Variants in GLUL observed in about 807,000 individuals in gnomAD.
GLUL encodes glutamine synthetase.
Under a neutral mutation model 36.9 loss-of-function variants are expected in GLUL, and 8 were observed. The ratio of observed to expected loss-of-function variants is 0.22; its 90% confidence interval spans 0.13 to 0.39. GLUL has a LOEUF of 0.39. GLUL is among the 10% of genes least tolerant of loss of function. GLUL has a pLI of 1.00. For missense variants in GLUL, 315 were observed against 501.8 expected (o/e 0.63, Z 3.56); for synonymous variants, 182 against 172.8 (o/e 1.05, Z -0.42).
In GLUL at chr1:182,387,114, G is replaced by A. The variant is rs771775154; in HGVS notation, c.328+17C>T. 2 of 1,597,274 alleles carry A rather than the reference G, an allele frequency of 1.3e-6. No homozygotes were observed. Among genetic ancestry groups the A allele is most frequent in the Non-Finnish European group, 1.7e-6 (2 of 1,165,142 alleles). ...CACAGATTGAGGAGGGGTATCCATAGCTGTGCTATAACACACCTGCAGGCC... is the reference window on the plus strand; with the variant it reads ...CACAGATTGAGGAGGGGTATCCATAACTGTGCTATAACACACCTGCAGGCC... On this transcript the variant is annotated intron_variant, in intron 3 of 6. Transcript: ENST00000331872.
chr1:182,386,453 C>G, intron 3 of GLUL, 51 bp from the exon 4 acceptor site: 1 of 1,310,992 alleles, frequency 7.6e-7, no homozygotes. Context: ...GACATAGATG[C>G]TGAATACCGA....
rs1278768321 is a variant in GLUL at position 182,385,337 on chromosome 1, C to A, written c.803+20G>T. 3 of 1,578,526 alleles carry A rather than the reference C, an allele frequency of 1.9e-6. No individual in the cohort carries two copies. Among genetic ancestry groups the A allele is most frequent in the Middle Eastern group, 1.7e-4 (1 of 5,988 alleles). On this transcript the variant is annotated intron_variant, in intron 6 of 6. Transcript: ENST00000331872. ...TTCTGCCACAGGAGATTAAAGATGG[C>A]CCCAGCAGAAGGTACTCACTTCAGA... is the stretch of plus-strand genomic sequence containing the variant.
At chr1:182,390,666 T>C (rs1650373540) in intron 1 of GLUL, 2 of 398,628 alleles carry the variant, frequency 5.0e-6, no homozygotes, top group Non-Finnish European at 8.8e-6. Flanking sequence ...GCCCGGGGGG[T>C]GTCCGAACAG....
chr1:182,388,076 G>A (rs758704588), intron 2 of GLUL, among the ~76,000 whole-genome samples: 6 of 152,124 alleles, frequency 3.9e-5, no homozygotes, highest in African/African-American at 1.2e-4. Flanking sequence ...AGAGGGATAC[G>A]CAATTAGTTT....
chr1:182,390,214 G>A (rs1039885863), intron 1 of GLUL: 9 of 246,526 alleles, frequency 3.7e-5, no homozygotes, highest in Non-Finnish European at 6.7e-5. Context: ...AACAGATAGA[G>A]ACTCTGTCGG....
chr1:182,383,077 TAA>T lies in GLUL; in HGVS notation c.*1326_*1327del, dbSNP rs933829374. 1.1e-4 allele frequency: 17 copies of T among 151,564 alleles called. No individual in the cohort carries two copies. Among genetic ancestry groups the T allele is most frequent in the Non-Finnish European group, 2.2e-4 (15 of 67,858 alleles). 9.4% of individuals were successfully genotyped at this position (151,564 alleles called of 1,614,324 possible). On this transcript the variant is annotated 3_prime_UTR_variant, in exon 7 of 7. Coordinates refer to ENST00000331872, the MANE Select transcript of GLUL (RefSeq NM_001033044.4). ...GAAAATGGTAGATGAAATGAAGGAATAAAGGTGGGGTTTATTCCTTATTATAA... is the reference window on the plus strand; with the variant it reads ...GAAAATGGTAGATGAAATGAAGGAATAGGTGGGGTTTATTCCTTATTATAA...
At chr1:182,388,806 C>A in intron 1 of GLUL, 56 bp from the exon 2 acceptor site, 1 of 1,369,098 alleles carries the variant, frequency 7.3e-7, no homozygotes, top group Non-Finnish European at 1.0e-6. Flanking sequence ...TGATCCCCTG[C>A]AAAAATGGCT....
intron 2 of GLUL, among the ~76,000 whole-genome samples, chr1:182,388,185 AAC>A (rs1323640877): frequency 6.6e-6 from 1 of 152,192 alleles, no homozygotes; most frequent in African/African-American, 2.4e-5. Context: ...ATGAGTATTA[AAC>A]ACAGTTTTCT....
chr1:182,389,349 AC>A (rs1650313591), intron 1 of GLUL: 1 of 154,896 alleles, frequency 6.5e-6, no homozygotes, highest in African/African-American at 2.4e-5. Context: ...GCCCCTCCCC[AC>A]CAAAAGAAAA....
chr1:182,385,837 C>T lies in GLUL; in HGVS notation c.526G>A (p.Val176Met), dbSNP rs377520978. Residue 176 changes from valine (V) to methionine (M), a missense_variant, in exon 5 of 7, where the codon GTG becomes ATG. Coordinates refer to ENST00000331872, the MANE Select transcript of GLUL (RefSeq NM_001033044.4). ...AAGCAGGCCCGGTAATGGGCCTCCACGATGTCCCTGCCATAGGCTCTGTCT... is the reference window on the plus strand; with the variant it reads ...AAGCAGGCCCGGTAATGGGCCTCCATGATGTCCCTGCCATAGGCTCTGTCT... ...GADRAYGRDIVEAHYRACLYA... is the reference protein window; with the variant it reads ...GADRAYGRDIMEAHYRACLYA... 5.0e-6 allele frequency: 8 copies of T among 1,613,448 alleles called. No individual in the cohort carries two copies. The highest frequency in any genetic ancestry group is 3.3e-4 in the Middle Eastern group (2 of 6,062).
rs1649948079 is a variant in GLUL at position 182,382,018 on chromosome 1, T to C, written c.*2387A>G. ...AAGAAAAACCACGGATATCTAGGAT[T>C]ACTTGACTAGTGTAAAATACACAGT... On this transcript the variant is annotated 3_prime_UTR_variant, in exon 7 of 7. Coordinates refer to ENST00000331872, the MANE Select transcript of GLUL (RefSeq NM_001033044.4). 6.6e-6 allele frequency: 1 copy of C among 152,204 alleles called. No individual in the cohort carries two copies. Among genetic ancestry groups the C allele is most frequent in the South Asian group, 2.1e-4 (1 of 4,826 alleles). 9.4% of individuals were successfully genotyped at this position (152,204 alleles called of 1,614,324 possible).
rs2296520 is a variant in GLUL, at chr1:182,385,715, A to G, written c.603+45T>C. The G allele has an allele frequency of 0.53, 856,104 of 1,609,354 alleles. 233,137 individuals carry two copies. Among genetic ancestry groups the G allele is most frequent in the East Asian group, 0.8 (35,959 of 44,854 alleles). On this transcript the variant is annotated intron_variant, in intron 5 of 6. Transcript: ENST00000331872. ...GCCCTTACTAGCAAAAGTCCTATGT[A>G]CACCTACCTACCCTTCTTCATTGAT...
chr1:182,384,582 A>G lies in GLUL; in HGVS notation c.945T>C (p.Gly315=), dbSNP rs927429200. ...ETSNINDFSA[G]VANRSASIRI... ...GTATGCTGGCGCTACGATTGGCTAC[A>G]CCAGCAGAAAAGTCGTTGATGTTGG... Residue 315 remains glycine, a synonymous_variant, in exon 7 of 7, where the codon GGT becomes GGC. Transcript: ENST00000331872. The G allele has an allele frequency of 1.2e-6, 2 of 1,614,158 alleles. No homozygotes were observed. Among genetic ancestry groups the G allele is most frequent in the South Asian group, 2.2e-5 (2 of 91,086 alleles).
At chr1:182,386,703 C>T (rs1558161317) in intron 3 of GLUL, 2 of 492,664 alleles carry the variant, frequency 4.1e-6, no homozygotes, top group Non-Finnish European at 7.4e-6. Flanking sequence ...CTGGCCACCT[C>T]CCAAGCACCA....
rs1649933785 is a variant in GLUL at position 182,381,705 on chromosome 1, C to G, written c.*2700G>C. The stretch of plus-strand genomic sequence containing the variant: ...TACAATGAACAAAATCCAAAGTGCT[C>G]AGGTCACTGCCTCTTCAGTTTAGTG... On this transcript the variant is annotated 3_prime_UTR_variant, in exon 7 of 7. Transcript: ENST00000331872. The G allele has an allele frequency of 6.6e-6, 1 of 152,154 alleles. No homozygotes were observed. The highest frequency in any genetic ancestry group is 2.1e-4 in the South Asian group (1 of 4,832). The allele number at this position is 152,154 out of a possible 1,614,324, so 9.4% of individuals were successfully genotyped here. A position where few individuals can be genotyped will look rare whatever the true frequency, so the allele number is the denominator to read the frequency against.
Position 182,379,304 on chromosome 1 carries a change from C to T in GLUL, c.*5101G>A, listed in dbSNP as rs1235365961. On this transcript the variant is annotated 3_prime_UTR_variant, in exon 7 of 7. Coordinates refer to ENST00000331872, the MANE Select transcript of GLUL (RefSeq NM_001033044.4). ...GTGGAGTGATCTTTGCTTACTGTAACCTCTGCCTCCCTGGCTCCAGCGATC... is the reference window on the plus strand; with the variant it reads ...GTGGAGTGATCTTTGCTTACTGTAATCTCTGCCTCCCTGGCTCCAGCGATC... Among the ~76,000 whole-genome samples the T allele has an allele frequency of 3.3e-5, 5 of 151,970 alleles. No homozygotes were observed.
Position 182,385,742 on chromosome 1 carries a change from G to A in GLUL, c.603+18C>T. ...ACCTACCTACCCTTCTTCATTGATG[G>A]ATTGGAGCTATACTTACCTGGGCAG... On this transcript the variant is annotated intron_variant, in intron 5 of 6. Transcript: ENST00000331872. The A allele has an allele frequency of 6.2e-7, 1 of 1,613,892 alleles. No homozygotes were observed. Among genetic ancestry groups the A allele is most frequent in the Non-Finnish European group, 8.5e-7 (1 of 1,179,838 alleles).
rs1649850518 is a variant in GLUL at position 182,379,518 on chromosome 1, C to A, written c.*4887G>T. 6.6e-6 allele frequency among the ~76,000 whole-genome samples: 1 copy of A among 151,994 alleles called. No individual in the cohort carries two copies. Among genetic ancestry groups the A allele is most frequent in the African/African-American group, 2.4e-5 (1 of 41,382 alleles). On this transcript the variant is annotated 3_prime_UTR_variant, in exon 7 of 7. Coordinates refer to ENST00000331872, the MANE Select transcript of GLUL (RefSeq NM_001033044.4). ...GATTACAGGCTTGAGCCACCACACCCAGCCTAAACTGCCAGTTTACATCAG... is the reference window on the plus strand; with the variant it reads ...GATTACAGGCTTGAGCCACCACACCAAGCCTAAACTGCCAGTTTACATCAG...
chr1:182,384,176 A>G lies in GLUL; in HGVS notation c.*229T>C, dbSNP rs1391236469. On this transcript the variant is annotated 3_prime_UTR_variant, in exon 7 of 7. Coordinates refer to ENST00000331872, the MANE Select transcript of GLUL (RefSeq NM_001033044.4). ...CACCCTCCTCCCCACTAATGCACTA[A>G]AAAGCTTCAGTGATAGGGAAAAAAA... 4 of 531,164 alleles carry G rather than the reference A, an allele frequency of 7.5e-6. No homozygotes were observed. The highest frequency in any genetic ancestry group is 1.4e-5 in the Non-Finnish European group (4 of 295,668). The allele number at this position is 531,164 out of a possible 1,614,324, so 32.9% of individuals were successfully genotyped here.
Sources: gnomAD v4.1 joint callset for allele counts (sites outside exome capture counted in the v4.1 genomes callset) on GRCh38, gnomAD v4.1.1 for gene constraint, MANE v1.5 for transcripts, NCBI Gene and HGNC (gene_info 2026-07-23, HGNC 2026-07-21) for gene names.